ITK: variants seen among roughly 807,000 people sequenced by gnomAD.
ITK encodes the protein IL2 inducible T cell kinase.
ITK carries 45 observed loss-of-function variants against 87.6 expected under a neutral mutation model. The observed-to-expected ratio is 0.51, with a 90% CI of 0.40 to 0.66. The LOEUF is 0.66. ITK is among the 30% of genes least tolerant of loss of function. The probability of loss-of-function intolerance (pLI) is 0.00; values close to 1 mark genes in which losing one functional copy is unlikely to be tolerated. For missense variants in ITK, 605 were observed against 766.3 expected (o/e 0.79, Z 2.48); for synonymous variants, 303 against 273.6 (o/e 1.11, Z -1.06).
chr5:157,210,531 GTT>G (rs11448931), intron 2 of ITK, among the ~76,000 whole-genome samples: 52,242 of 147,198 alleles, frequency 0.35, 9,457 homozygotes, highest in East Asian at 0.55. Flanking sequence ...CAATCTCTTG[GTT>G]TTTTTTTTTT....
At chr5:157,231,632 T>C (rs1030932733) in intron 7 of ITK, among the ~76,000 whole-genome samples, 6 of 152,182 alleles carry the variant, frequency 3.9e-5, no homozygotes, top group African/African-American at 1.4e-4. Context: ...TATTAACCGA[T>C]GATCAGTCTG....
intron 12 of ITK, 198 bp downstream of exon 12, chr5:157,243,992 C>T: frequency 1.5e-6 from 1 of 677,034 alleles, no homozygotes; most frequent in Non-Finnish European, 2.6e-6. Flanking sequence ...GCCCACCTCC[C>T]CCTTCTCAGC....
rs757278824 is a variant in ITK at position 157,238,132 on chromosome 5, A to G, written c.792A>G (p.Val264=). 10 of 1,613,574 alleles carry G rather than the reference A, an allele frequency of 6.2e-6. No individual in the cohort carries two copies. The Admixed American group carries it at 1.2e-4, about 19-fold the overall frequency. ...LDTGKEGAFM[V]RDSRTAGTYT... ...AGGGCAAAGAAGGAGCCTTCATGGT[A>G]AGGGATTCCAGGACTGCAGGAACAT... Residue 264 remains valine (V), a synonymous_variant, in exon 9 of 17, where the codon GTA becomes GTG. Transcript: ENST00000422843.
chr5:157,243,077 C>T (rs1414193555), intron 11 of ITK, among the ~76,000 whole-genome samples: 1 of 152,176 alleles, frequency 6.6e-6, no homozygotes, highest in Non-Finnish European at 1.5e-5. Context: ...TCAGCCTACT[C>T]ATTTTGTTGG....
intron 5 of ITK, 53 bp from the exon 6 acceptor site, chr5:157,222,810 A>G: frequency 5.0e-6 from 8 of 1,602,854 alleles, no homozygotes; most frequent in Non-Finnish European, 6.0e-6. Context: ...GAAAGGAGGC[A>G]TTTTACCTCC....
At chr5:157,199,010 CT>C (rs1254536653) in intron 1 of ITK, among the ~76,000 whole-genome samples, 1 of 152,190 alleles carries the variant, frequency 6.6e-6, no homozygotes, top group Non-Finnish European at 1.5e-5. Context: ...GGCGACCCTC[CT>C]TCTTTGGCCT....
In ITK at chr5:157,248,913, A is replaced by C; in HGVS notation, c.1697A>C (p.Glu566Ala). The C allele has an allele frequency of 6.2e-7, 1 of 1,613,954 alleles. No homozygotes were observed. Among genetic ancestry groups the C allele is most frequent in the Non-Finnish European group, 8.5e-7 (1 of 1,179,848 alleles). Residue 566 changes from glutamate to alanine, a missense_variant, in exon 16 of 17, where the codon GAG (glutamate) becomes GCG (alanine). This residue lies in a region of ITK where 70 missense variants were observed against 122.5 expected (regional missense o/e 0.57). Transcript: ENST00000422843. ...KIPYENRSNSEVVEDISTGFR... is the reference protein window; with the variant it reads ...KIPYENRSNSAVVEDISTGFR... ...CCGTATGAAAACCGAAGCAACTCAG[A>C]GGTGGTGGAAGACATCAGTACCGGA... is the stretch of plus-strand genomic sequence containing the variant.
At position 157,244,348 on chromosome 5, in the gene ITK, A is replaced by T; in HGVS notation, c.1319A>T (p.His440Leu). The change falls in exon 13 of 17, where the codon CAC becomes CTC. Residue 440 changes from histidine (H) to leucine (L), a missense_variant. His to Leu is a moderately conservative substitution (Grantham distance 99, BLOSUM62 -3). Coordinates refer to ENST00000422843, the MANE Select transcript of ITK (RefSeq NM_005546.4). The stretch of plus-strand genomic sequence containing the variant: ...TGCCTGGTGTTTGAGTTCATGGAGC[A>T]CGGCTGCCTGTCAGATTATCTACGC... ...PICLVFEFMEHGCLSDYLRTQ... is the reference protein window; with the variant it reads ...PICLVFEFMELGCLSDYLRTQ... The T allele has an allele frequency of 6.2e-7, 1 of 1,614,060 alleles. No homozygotes were observed. The highest frequency in any genetic ancestry group is 8.5e-7 in the Non-Finnish European group (1 of 1,179,970).
chr5:157,243,734 A>G lies in ITK; in HGVS notation c.1172A>G (p.Lys391Arg), dbSNP rs1754961045. The change falls in exon 12 of 17, where the codon AAA becomes AGA. Residue 391 changes from lysine (K) to arginine (R), a missense_variant. Transcript: ENST00000422843. ...CTCAACAAGGACAAGGTGGCTATCA[A>G]AACCATTCGGGAAGGGGCTATGTCA... Reference protein sequence around the residue: ...YWLNKDKVAIKTIREGAMSEE... With the variant: ...YWLNKDKVAIRTIREGAMSEE... The G allele has an allele frequency of 1.2e-6, 2 of 1,613,990 alleles. No individual in the cohort carries two copies. Among genetic ancestry groups the G allele is most frequent in the Non-Finnish European group, 8.5e-7 (1 of 1,180,028 alleles).
chr5:157,241,782 A>G (rs1754913119), intron 11 of ITK, 62 bp downstream of exon 11: 3 of 1,233,386 alleles, frequency 2.4e-6, no homozygotes, highest in African/African-American at 1.5e-5. Flanking sequence ...AATTCTGAAT[A>G]AACTGGCCAT....
rs575704597 is a variant in ITK, at chr5:157,209,041, A to T, written c.243+48A>T. On this transcript the variant is annotated intron_variant, in intron 2 of 16. Coordinates refer to ENST00000422843, the MANE Select transcript of ITK (RefSeq NM_005546.4). ...TCCCCATTCCCTGGACTGTGGTTAA[A>T]ATCTTCAGTCACAGCCGGGTGCAGT... 2.6e-5 allele frequency: 33 copies of T among 1,281,054 alleles called. No homozygotes were observed. In the African/African-American group the frequency reaches 4.1e-4, roughly 16 times the overall value. 79.4% of individuals were successfully genotyped at this position (1,281,054 alleles called of 1,614,324 possible).
chr5:157,226,765 G>A (rs1359830096), intron 6 of ITK, among the ~76,000 whole-genome samples: 2 of 152,160 alleles, frequency 1.3e-5, no homozygotes, highest in East Asian at 1.9e-4. Flanking sequence ...GGAATAAAGA[G>A]CAATAAACTA....
chr5:157,194,161 G>T (rs1753807492), intron 1 of ITK, among the ~76,000 whole-genome samples: 1 of 152,060 alleles, frequency 6.6e-6, no homozygotes, highest in Non-Finnish European at 1.5e-5. Flanking sequence ...TACCCAAGTA[G>T]AATTACATTT....
intron 9 of ITK, 108 bp downstream of exon 9, chr5:157,238,299 AG>A (rs1341471769): frequency 6.0e-6 from 5 of 838,226 alleles, no homozygotes; most frequent in Non-Finnish European, 1.0e-5. Context: ...GAGGCTCACT[AG>A]AAATGGTCTG....
intron 8 of ITK, 88 bp downstream of exon 8, chr5:157,232,482 C>A: frequency 3.3e-6 from 3 of 920,326 alleles, no homozygotes; most frequent in Non-Finnish European, 5.2e-6. Flanking sequence ...TTTGGCAGGC[C>A]AAGGTGGGAG....
chr5:157,222,975 G>A lies in ITK; in HGVS notation c.608G>A (p.Ser203Asn), dbSNP rs762058624. 1.2e-6 allele frequency: 2 copies of A among 1,614,144 alleles called. No homozygotes were observed. Among genetic ancestry groups the A allele is most frequent in the Admixed American group, 3.3e-5 (2 of 60,018 alleles). Residue 203 changes from serine to asparagine, a missense_variant, in exon 6 of 17, where the codon AGT becomes AAT. Ser to Asn is a conservative substitution (Grantham distance 46). Coordinates refer to ENST00000422843, the MANE Select transcript of ITK (RefSeq NM_005546.4). ...RRNEEYCLLD[S>N]SEIHWWRVQD... ...AACGAAGAGTACTGCCTGCTGGACA[G>A]TTCTGAGATTCACTGGTGGAGAGTC...
In ITK at chr5:157,254,406, C is replaced by A. The variant is rs1061951; in HGVS notation, c.*1728C>A. ...AGCTTCAAAGCAACTTTAAAAGATT[C>A]TTCTGTAGAAGTATGAGTTCTTCCT... On this transcript the variant is annotated 3_prime_UTR_variant, in exon 17 of 17. Coordinates refer to ENST00000422843, the MANE Select transcript of ITK (RefSeq NM_005546.4). 1 of 222,704 alleles carries A rather than the reference C, an allele frequency of 4.5e-6. No individual in the cohort carries two copies. Among genetic ancestry groups the A allele is most frequent in the African/African-American group, 2.2e-5 (1 of 44,756 alleles). 13.8% of individuals were successfully genotyped at this position (222,704 alleles called of 1,614,324 possible).
chr5:157,203,101 C>T (rs1580882012), intron 1 of ITK, among the ~76,000 whole-genome samples: 1 of 152,330 alleles, frequency 6.6e-6, no homozygotes, highest in African/African-American at 2.4e-5. Flanking sequence ...GATGCCCTTT[C>T]TCTCTCCAGA....
At chr5:157,227,248 C>T (rs1023208895) in intron 6 of ITK, among the ~76,000 whole-genome samples, 20 of 152,212 alleles carry the variant, frequency 1.3e-4, no homozygotes, top group Non-Finnish European at 2.5e-4. Context: ...GAAGGGATGC[C>T]GCTTTCACCC....
Sources: gnomAD v4.1 joint callset for allele counts (sites outside exome capture counted in the v4.1 genomes callset) on GRCh38, gnomAD v4.1.1 for gene constraint, gnomAD v4.1.1 regional missense constraint, MANE v1.5 for transcripts, NCBI Gene and HGNC (gene_info 2026-07-23, HGNC 2026-07-21) for gene names.